Variants in GRID2 observed in about 807,000 individuals in gnomAD.
GRID2 encodes glutamate receptor ionotropic, delta-2.
In GRID2, 33 loss-of-function variants were observed where a neutral mutation model predicts 114.8. The observed-to-expected ratio is 0.29, with a 90% CI of 0.22 to 0.38. GRID2 has a LOEUF of 0.38. Among genes scored for constraint, GRID2 ranks in the 10% least tolerant of loss-of-function variants. The probability of loss-of-function intolerance (pLI) is 1.00; values close to 1 mark genes in which losing one functional copy is unlikely to be tolerated. For synonymous variants in GRID2, 505 were observed against 449.9 expected (o/e 1.12, Z -1.55); for missense variants, 1,184 against 1,257.7 (o/e 0.94, Z 0.89).
chr4:93,290,056 T>C (rs986889174), intron 8 of GRID2, among the ~76,000 whole-genome samples: 8 of 152,170 alleles, frequency 5.3e-5, no homozygotes, highest in African/African-American at 1.7e-4. Context: ...CTGAGAGAAA[T>C]GTGTTTCCTT....
intron 8 of GRID2, among the ~76,000 whole-genome samples, chr4:93,347,861 G>GA (rs1760398187): frequency 6.6e-6 from 1 of 151,944 alleles, no homozygotes; most frequent in Non-Finnish European, 1.5e-5. Context: ...CATCTCTGTT[G>GA]AAAAAAATGA....
At chr4:93,453,337 AGAGAGAGAGAGAG>A (rs1168627083) in intron 10 of GRID2, among the ~76,000 whole-genome samples, 1 of 150,340 alleles carries the variant, frequency 6.7e-6, no homozygotes, top group Non-Finnish European at 1.5e-5. Context: ...AGAGAGAGAG[AGAGAGAGAGAGAG>A]AGAGAGAGAG....
intron 8 of GRID2, among the ~76,000 whole-genome samples, chr4:93,324,745 T>A (rs180785007): frequency 0.078 from 11,873 of 152,210 alleles, 535 homozygotes; most frequent in Non-Finnish European, 0.1. Flanking sequence ...AGATTCAACT[T>A]CTTCCTGGTT....
At chr4:93,631,742 T>G (rs144896943) in intron 14 of GRID2, among the ~76,000 whole-genome samples, 19,261 of 152,144 alleles carry the variant, frequency 0.13, 1,591 homozygotes, top group East Asian at 0.44. Context: ...GTAATGGGAT[T>G]GCTGGGTCAA....
intron 13 of GRID2, among the ~76,000 whole-genome samples, chr4:93,522,181 TGTG>T (rs1730403165): frequency 6.6e-6 from 1 of 152,120 alleles, no homozygotes; most frequent in Admixed American, 6.6e-5. Flanking sequence ...AGTTAGAAGA[TGTG>T]GTGGTGGGAG....
intron 8 of GRID2, among the ~76,000 whole-genome samples, chr4:93,313,420 T>C (rs550451469): frequency 6.6e-6 from 1 of 152,350 alleles, no homozygotes; most frequent in South Asian, 2.1e-4. Flanking sequence ...CCAGTTGAAA[T>C]GACTAAGTGT....
intron 8 of GRID2, among the ~76,000 whole-genome samples, chr4:93,314,673 C>T (rs1756391631): frequency 1.3e-5 from 2 of 151,834 alleles, no homozygotes; most frequent in Admixed American, 1.3e-4. Flanking sequence ...CTTTTCCTTT[C>T]ATGCAATTTT....
intron 2 of GRID2, among the ~76,000 whole-genome samples, chr4:93,053,998 A>G (rs1726975277): frequency 6.6e-6 from 1 of 152,012 alleles, no homozygotes; most frequent in Non-Finnish European, 1.5e-5. Flanking sequence ...TTCATCCTGC[A>G]GTATAGGACC....
intron 6 of GRID2, 73 bp downstream of exon 6, chr4:93,216,984 G>A: frequency 1.0e-6 from 1 of 982,324 alleles, no homozygotes; most frequent in Non-Finnish European, 1.6e-6. Context: ...TTTATGAGTT[G>A]CATTGGATTC....
chr4:93,338,352 G>A (rs1482363263), intron 8 of GRID2, among the ~76,000 whole-genome samples: 1 of 152,098 alleles, frequency 6.6e-6, no homozygotes, highest in Non-Finnish European at 1.5e-5. Flanking sequence ...GATCTCTGTG[G>A]TGTAAATGTT....
chr4:92,869,421 G>A (rs1299604448), intron 2 of GRID2, among the ~76,000 whole-genome samples: 3 of 152,182 alleles, frequency 2.0e-5, no homozygotes, highest in Non-Finnish European at 4.4e-5. Flanking sequence ...ATAATGAGCT[G>A]ATCGAAGTTT....
At chr4:93,804,441 A>G (rs1180015419) in intron 1 of GRID2, among the ~76,000 whole-genome samples, 1 of 152,238 alleles carries the variant, frequency 6.6e-6, no homozygotes, top group African/African-American at 2.4e-5. Flanking sequence ...GCCGCTGTAC[A>G]GAATACCGCA....
At chr4:92,636,347 A>T (rs1184869135) in intron 2 of GRID2, among the ~76,000 whole-genome samples, 1 of 152,046 alleles carries the variant, frequency 6.6e-6, no homozygotes, top group African/African-American at 2.4e-5. Flanking sequence ...AAATGTGTGC[A>T]TTATCACCAA....
intron 1 of GRID2, among the ~76,000 whole-genome samples, chr4:92,572,779 T>G (rs1371483989): frequency 6.6e-6 from 1 of 152,016 alleles, no homozygotes; most frequent in Non-Finnish European, 1.5e-5. Context: ...TGGCCTGAAG[T>G]TTTCTTTTTT....
At chr4:93,484,679 AAC>A (rs1335247012) in intron 11 of GRID2, among the ~76,000 whole-genome samples, 2 of 151,896 alleles carry the variant, frequency 1.3e-5, no homozygotes, top group African/African-American at 4.8e-5. Flanking sequence ...GCCTTATTTG[AAC>A]ACAGTTTGAA....
At chr4:93,535,231 TAC>T (rs141785727) in intron 13 of GRID2, among the ~76,000 whole-genome samples, 58,298 of 142,004 alleles carry the variant, frequency 0.41, 11,894 homozygotes, top group East Asian at 0.7. Flanking sequence ...CACATACACA[TAC>T]ACACACACAC....
At chr4:92,617,480 T>A (rs575775288) in intron 2 of GRID2, among the ~76,000 whole-genome samples, 1 of 151,848 alleles carries the variant, frequency 6.6e-6, no homozygotes, top group East Asian at 1.9e-4. Context: ...AGTGTTTTAC[T>A]TCTGTTCTTG....
intron 10 of GRID2, among the ~76,000 whole-genome samples, chr4:93,438,188 C>A (rs1721283958): frequency 6.6e-6 from 1 of 152,024 alleles, no homozygotes; most frequent in East Asian, 1.9e-4. Context: ...TTTCCTCGGC[C>A]TTCAAAGATC....
intron 2 of GRID2, among the ~76,000 whole-genome samples, chr4:92,642,287 C>G (rs1731392837): frequency 1.3e-5 from 2 of 151,762 alleles, no homozygotes; most frequent in African/African-American, 4.8e-5. Flanking sequence ...TCAGCTTTCT[C>G]CACACCCTCA....
Sources: gnomAD v4.1 joint callset for allele counts (sites outside exome capture counted in the v4.1 genomes callset) on GRCh38, gnomAD v4.1.1 for gene constraint, MANE v1.5 for transcripts, NCBI Gene and HGNC (gene_info 2026-07-23, HGNC 2026-07-21) for gene names.